The following ASTN1 variants were observed in gnomAD, a reference collection of about 807,000 sequenced individuals.
The protein encoded by ASTN1 is astrotactin 1.
In ASTN1, 41 loss-of-function variants were observed where a neutral mutation model predicts 140.7. The ratio of observed to expected loss-of-function variants is 0.29; its 90% CI spans 0.23 to 0.38. The LOEUF (loss-of-function observed/expected upper bound fraction) is 0.38. Among genes scored for constraint, ASTN1 ranks in the 10% least tolerant of loss-of-function variants. The probability of loss-of-function intolerance (pLI) is 1.00; values close to 1 mark genes in which losing one functional copy is unlikely to be tolerated. For missense variants in ASTN1, 1,479 were observed against 1,678.8 expected, an observed-to-expected ratio of 0.88 and a Z score of 2.08; for synonymous variants, 640 against 652.2, an observed-to-expected ratio of 0.98 and a Z score of 0.29.
At chr1:177,146,358 G>A (rs968042321) in intron 1 of ASTN1, among the ~76,000 whole-genome samples, 15 of 152,192 alleles carry the variant, frequency 9.9e-5, no homozygotes, top group African/African-American at 3.1e-4. Context: ...TTAATACAAC[G>A]CCAAAACTCA....
chr1:177,021,494 G>A (rs932388828), intron 7 of ASTN1, among the ~76,000 whole-genome samples: 1 of 152,172 alleles, frequency 6.6e-6, no homozygotes, highest in African/African-American at 2.4e-5. Flanking sequence ...TGACATGTCT[G>A]GGGAAATTAA....
At chr1:177,137,912 AAAT>A (rs2102217114) in intron 1 of ASTN1, among the ~76,000 whole-genome samples, 1 of 152,348 alleles carries the variant, frequency 6.6e-6, no homozygotes, top group East Asian at 1.9e-4. Context: ...TTAGAATAGA[AAAT>A]GATGAGAATA....
intron 1 of ASTN1, among the ~76,000 whole-genome samples, chr1:177,081,031 G>A (rs1208957601): frequency 6.6e-6 from 1 of 152,146 alleles, no homozygotes; most frequent in Non-Finnish European, 1.5e-5. Context: ...ACAAGCTCTA[G>A]AAATTGGGGA....
chr1:176,954,212 T>C (rs1672309583), intron 11 of ASTN1, among the ~76,000 whole-genome samples: 1 of 152,004 alleles, frequency 6.6e-6, no homozygotes, highest in Non-Finnish European at 1.5e-5. Flanking sequence ...AAATTAAGGA[T>C]CTTGAAATGG....
At chr1:176,868,575 G>C (rs570346470) in intron 22 of ASTN1, among the ~76,000 whole-genome samples, 53 of 152,288 alleles carry the variant, frequency 3.5e-4, no homozygotes, top group Non-Finnish European at 6.3e-4. Context: ...GGAATGCAAT[G>C]TCAACATGAT....
chr1:176,992,503 T>C (rs887475981), intron 8 of ASTN1, among the ~76,000 whole-genome samples: 4 of 152,020 alleles, frequency 2.6e-5, no homozygotes, highest in Admixed American at 2.0e-4. Flanking sequence ...GCACCCCCAA[T>C]TGGGCCCTTG....
At position 176,910,247 on chromosome 1, in the gene ASTN1, G is replaced by A. The variant is rs1369071082; in HGVS notation, c.2672-15417C>T. The stretch of plus-strand genomic sequence containing the variant: ...ATGCTGGAATTTTGCACGTATCCTG[G>A]TAAGCACCTATCTCAAGCTTGTTAC... On this transcript the variant is annotated intron_variant, in intron 16 of 22. Transcript: ENST00000361833. Among the ~76,000 whole-genome samples, 3 of 152,140 alleles carry A rather than the reference G, an allele frequency of 2.0e-5. 1 individual carries two copies. The highest frequency in any genetic ancestry group is 4.1e-4 in the South Asian group (2 of 4,822).
chr1:177,092,696 C>T (rs1679816762), intron 1 of ASTN1, among the ~76,000 whole-genome samples: 2 of 152,098 alleles, frequency 1.3e-5, no homozygotes, highest in South Asian at 4.1e-4. Flanking sequence ...GGGTAAAGGT[C>T]CAACTTCATT....
At chr1:176,929,495 T>G (rs12058165) in intron 16 of ASTN1, among the ~76,000 whole-genome samples, 8,409 of 152,224 alleles carry the variant, frequency 0.055, 742 homozygotes, top group African/African-American at 0.19. Flanking sequence ...ACCGGGTGAT[T>G]CCTTGACTTT....
chr1:177,091,324 A>G (rs1238207030), intron 1 of ASTN1, among the ~76,000 whole-genome samples: 1 of 152,256 alleles, frequency 6.6e-6, no homozygotes, highest in Admixed American at 6.5e-5. Context: ...TGTGAACTAA[A>G]GCCTGGAATT....
intron 9 of ASTN1, 96 bp downstream of exon 9, chr1:176,965,067 C>G (rs1343369927): frequency 8.3e-6 from 10 of 1,200,246 alleles, no homozygotes; most frequent in Non-Finnish European, 1.2e-5. Context: ...AAGGTGTTTC[C>G]TATTTTATAC....
chr1:177,047,193 AG>A (rs1294780380), intron 2 of ASTN1, among the ~76,000 whole-genome samples: 4 of 152,210 alleles, frequency 2.6e-5, no homozygotes, highest in Non-Finnish European at 1.5e-5. Context: ...CAGAGAGAAA[AG>A]GGGGTCAGAA....
chr1:176,864,431 G>A lies in ASTN1; in HGVS notation c.3738C>T (p.Ser1246=), dbSNP rs1411495369. ...LQEPKISLRR[S]SLKYLGCRYS... The stretch of plus-strand genomic sequence containing the variant: ...AGCGGCACCCCAGGTACTTGAGTGA[G>A]CTGCGCCGCAAGCTTATCTTGGGTT... The change falls in exon 23 of 23, where the codon AGC becomes AGT. Residue 1246 remains serine, a synonymous_variant. Coordinates refer to ENST00000361833, the MANE Select transcript of ASTN1 (RefSeq NM_004319.3). 2.5e-6 allele frequency: 4 copies of A among 1,614,168 alleles called. No individual in the cohort carries two copies. Among genetic ancestry groups the A allele is most frequent in the Non-Finnish European group, 2.5e-6 (3 of 1,180,018 alleles).
At chr1:176,962,120 A>C (rs1397088683) in intron 9 of ASTN1, among the ~76,000 whole-genome samples, 1 of 152,202 alleles carries the variant, frequency 6.6e-6, no homozygotes, top group East Asian at 1.9e-4. Flanking sequence ...AATTATTCCA[A>C]AGGATGCAGG....
chr1:176,971,603 T>C (rs1673143451), intron 8 of ASTN1, among the ~76,000 whole-genome samples: 1 of 152,188 alleles, frequency 6.6e-6, no homozygotes, highest in South Asian at 2.1e-4. Context: ...AAATAGGCCT[T>C]CCCTGGCACT....
intron 7 of ASTN1, among the ~76,000 whole-genome samples, chr1:177,015,263 G>C (rs1421931077): frequency 6.6e-6 from 1 of 152,148 alleles, no homozygotes; most frequent in Non-Finnish European, 1.5e-5. Context: ...CTGCATAAGT[G>C]AATTATTTCA....
intron 1 of ASTN1, among the ~76,000 whole-genome samples, chr1:177,161,525 G>C (rs537832860): frequency 6.6e-6 from 1 of 152,186 alleles, no homozygotes; most frequent in African/African-American, 2.4e-5. Flanking sequence ...GGTTTAGAAG[G>C]AAGAATGGAT....
intron 11 of ASTN1, among the ~76,000 whole-genome samples, chr1:176,950,403 C>T (rs1287454557): frequency 6.6e-6 from 1 of 152,222 alleles, no homozygotes; most frequent in Non-Finnish European, 1.5e-5. Context: ...CATTAGCACA[C>T]ACCACACTTA....
chr1:176,862,113 T>C lies in ASTN1; in HGVS notation c.*2171A>G, dbSNP rs1296004122. ...CCTGTCTGATTGGCCTGTCACATCTTCTCTGGCAATGGTGAAATATTTGCC... is the reference window on the plus strand; with the variant it reads ...CCTGTCTGATTGGCCTGTCACATCTCCTCTGGCAATGGTGAAATATTTGCC... On this transcript the variant is annotated 3_prime_UTR_variant, in exon 23 of 23. Transcript: ENST00000361833. 1 of 985,312 alleles carries C rather than the reference T, an allele frequency of 1.0e-6. No homozygotes were observed. The highest frequency in any genetic ancestry group is 1.1e-4 in the East Asian group (1 of 8,808). 61.0% of individuals were successfully genotyped at this position (985,312 alleles called of 1,614,324 possible).
Sources: gnomAD v4.1 joint callset for allele counts (sites outside exome capture counted in the v4.1 genomes callset) on GRCh38, gnomAD v4.1.1 for gene constraint, MANE v1.5 for transcripts, NCBI Gene and HGNC (gene_info 2026-07-23, HGNC 2026-07-21) for gene names.